The following LRTM3 variants were observed in gnomAD, a reference collection of about 807,000 sequenced individuals.
The protein encoded by LRTM3 is leucine-rich repeat transmembrane protein 3.
chr13:102,751,930 A>T, the LRTM3 span, among the ~76,000 whole-genome samples: 1 of 152,180 alleles, frequency 6.6e-6, no homozygotes, highest in African/African-American at 2.4e-5. Context: ...GACAGGCCTT[A>T]TTATACCACC....
chr13:102,735,961 T>C, the LRTM3 span: 2 of 1,549,134 alleles, frequency 1.3e-6, no homozygotes, highest in Admixed American at 2.0e-5. Flanking sequence ...TTCCATTGCA[T>C]AGAAGTGCAA....
the LRTM3 span, chr13:102,739,249 C>T: frequency 3.9e-6 from 6 of 1,550,184 alleles, no homozygotes; most frequent in African/African-American, 8.2e-5. Flanking sequence ...AAAGTGATTT[C>T]TTTCCTTTCA....
the LRTM3 span, chr13:102,732,434 T>A: frequency 6.4e-7 from 1 of 1,551,238 alleles, no homozygotes; most frequent in Non-Finnish European, 8.7e-7. Context: ...CAATTCTCTT[T>A]TCAGATCTCT....
chr13:102,737,237 C>A, the LRTM3 span: 6 of 1,551,078 alleles, frequency 3.9e-6, no homozygotes, highest in Middle Eastern at 1.7e-4. Flanking sequence ...ATCATTTGAG[C>A]TATCCACCCC....
chr13:102,746,147 T>G, the LRTM3 span: 17 of 1,551,158 alleles, frequency 1.1e-5, no homozygotes, highest in Non-Finnish European at 1.5e-5. Flanking sequence ...AAAACCTGTT[T>G]GGTGCTGCAA....
the LRTM3 span, chr13:102,734,576 T>C: frequency 1.1e-5 from 17 of 1,551,242 alleles, no homozygotes; most frequent in Middle Eastern, 1.7e-4. Context: ...ATCGATTATT[T>C]TTTTTTGGTT....
chr13:102,746,083 T>C, the LRTM3 span: 3 of 1,551,058 alleles, frequency 1.9e-6, no homozygotes, highest in Admixed American at 5.9e-5. Context: ...CTTTTTGTAG[T>C]TCTTCAGCTT....
chr13:102,751,554 G>A, the LRTM3 span, among the ~76,000 whole-genome samples: 1 of 152,194 alleles, frequency 6.6e-6, no homozygotes, highest in African/African-American at 2.4e-5. Context: ...TCTGATACAT[G>A]ATAAATTTCG....
the LRTM3 span, among the ~76,000 whole-genome samples, chr13:102,755,963 T>A: frequency 0.6 from 55,398 of 92,024 alleles, 13,487 homozygotes; most frequent in Non-Finnish European, 0.65. Flanking sequence ...ATATATATAT[T>A]TTTTTTTTTT....
At chr13:102,738,352 G>A in the LRTM3 span, 2 of 1,550,892 alleles carry the variant, frequency 1.3e-6, no homozygotes, top group Non-Finnish European at 8.7e-7. Flanking sequence ...CTGGAAGATA[G>A]TATCTTGTTA....
At chr13:102,729,445 G>A in the LRTM3 span, 5 of 1,449,006 alleles carry the variant, frequency 3.5e-6, no homozygotes, top group Non-Finnish European at 4.5e-6. Context: ...TTTAGCTATG[G>A]TAATGTCAGC....
the LRTM3 span, chr13:102,735,753 A>G: frequency 6.5e-7 from 1 of 1,547,516 alleles, no homozygotes; most frequent in Non-Finnish European, 8.7e-7. Flanking sequence ...CCTGAATCTG[A>G]TGAATCCTGA....
At chr13:102,738,531 A>T in the LRTM3 span, 1 of 1,550,674 alleles carries the variant, frequency 6.4e-7, no homozygotes, top group African/African-American at 1.4e-5. Context: ...GAAATTGATG[A>T]TTTCATTTTC....
At chr13:102,732,189 A>G in the LRTM3 span, 2 of 1,551,346 alleles carry the variant, frequency 1.3e-6, no homozygotes, top group Non-Finnish European at 1.7e-6. Context: ...TTAGGAAGAC[A>G]GATTCTCTTT....
the LRTM3 span, chr13:102,747,794 A>G: frequency 6.4e-7 from 1 of 1,551,142 alleles, no homozygotes; most frequent in South Asian, 1.2e-5. Context: ...ATTCTCCAAA[A>G]TAGTTTGTGT....
the LRTM3 span, chr13:102,735,958 G>T: frequency 2.6e-6 from 4 of 1,548,558 alleles, no homozygotes; most frequent in Middle Eastern, 3.3e-4. Flanking sequence ...TCTTTCCATT[G>T]CATAGAAGTG....
chr13:102,738,930 C>A, the LRTM3 span: 1 of 1,550,692 alleles, frequency 6.4e-7, no homozygotes, highest in Non-Finnish European at 8.7e-7. Context: ...GCCTTTTCCA[C>A]TCTGTCTTTG....
At chr13:102,733,685 C>G in the LRTM3 span, 822 of 1,551,270 alleles carry the variant, frequency 5.3e-4, 6 homozygotes, top group African/African-American at 9.9e-3. Flanking sequence ...CCTTTTCCCA[C>G]TTCTTATGGT....
At chr13:102,747,440 A>G in the LRTM3 span, 1 of 1,547,898 alleles carries the variant, frequency 6.5e-7, no homozygotes, top group Non-Finnish European at 8.7e-7. Context: ...TACATATTTG[A>G]CACTGAGTAC....
Sources: allele counts gnomAD v4.1 joint callset (sites outside exome capture counted in the v4.1 genomes callset), GRCh38; gene constraint gnomAD v4.1.1; transcripts MANE v1.5; gene names NCBI Gene and HGNC (gene_info 2026-07-23, HGNC 2026-07-21).